OC90: variants seen among roughly 807,000 people sequenced by gnomAD.
OC90 encodes otoconin 90.
Under a neutral mutation model 47.3 loss-of-function variants are expected in OC90, and 46 were observed. That is an observed-to-expected ratio of 0.97 (90% CI 0.77 to 1.24). The LOEUF is 1.24. Ranked by LOEUF, OC90 falls within the 50% of genes most tolerant of loss-of-function variation. OC90 has a pLI of 0.00. For missense variants in OC90, 688 were observed against 583.9 expected (o/e 1.18, Z -1.84); for synonymous variants, 271 against 219.5 (o/e 1.23, Z -2.07).
At chr8:132,036,316 A>G in intron 9 of OC90, 1 of 779,888 alleles carries the variant, frequency 1.3e-6, no homozygotes, top group Admixed American at 1.7e-5. Flanking sequence ...TAGATATTTG[A>G]AATATTTCTC....
Position 132,041,715 on chromosome 8 carries a change from G to GGGC in OC90, c.170-17_170-16insGCC. 1 of 1,432,204 alleles carries GGGC rather than the reference G, an allele frequency of 7.0e-7. No homozygotes were observed. The highest frequency in any genetic ancestry group is 1.2e-5 in the South Asian group (1 of 85,958). The allele number at this position is 1,432,204 out of a possible 1,614,324, so 88.7% of individuals were successfully genotyped here. On this transcript the variant is annotated splice_polypyrimidine_tract_variant and intron_variant, in intron 4 of 13. Transcript: ENST00000254627. ...CCCAGGCAATCTGTGGGGGTGGGGG[G>GGGC]CAGGGCCTGATAAGCACTGGGAACT...
intron 1 of OC90, 48 bp from the exon 2 acceptor site, chr8:132,055,121 C>G (rs1383910975): frequency 9.5e-7 from 1 of 1,051,880 alleles, no homozygotes; most frequent in Non-Finnish European, 1.4e-6. Context: ...TCAGAATTCC[C>G]ATGAAAGAAC....
rs200162129 is a variant in OC90 at position 132,041,602 on chromosome 8, G to T, written c.267C>A (p.Leu89=). The T allele has an allele frequency of 4.3e-6, 7 of 1,613,072 alleles. No homozygotes were observed. The East Asian group carries it at 1.6e-4, about 36-fold the overall frequency. The change falls in exon 5 of 14, where the codon CTC becomes CTA. Residue 89 remains leucine, a synonymous_variant. Transcript: ENST00000254627. ...FVNGMKCVAG[L]CPRDFEDYGC... ...CATAGTCTTCAAAGTCTCGGGGGCA[G>T]AGACCAGCCACACACTTCATACCAT... is the stretch of plus-strand genomic sequence containing the variant.
At chr8:132,037,926 A>G (rs1386052451) in intron 8 of OC90, among the ~76,000 whole-genome samples, 1 of 152,182 alleles carries the variant, frequency 6.6e-6, no homozygotes, top group East Asian at 1.9e-4. Flanking sequence ...TCATGTACAC[A>G]CATGCACACC....
chr8:132,030,307 AATT>A (rs1234452957), intron 12 of OC90, among the ~76,000 whole-genome samples: 2 of 152,218 alleles, frequency 1.3e-5, no homozygotes, highest in Admixed American at 1.3e-4. Context: ...CTTATAAAAA[AATT>A]ATATCAGTTT....
Position 132,024,551 on chromosome 8 carries a change from A to AGGTCCTCCTGTGGAG in OC90, c.1349_1363dup (p.Pro450_Asp454dup), listed in dbSNP as rs1167740039. The stretch of plus-strand genomic sequence containing the variant: ...CCGCAGAAACCTCTTGGCTCTGCCG[A>AGGTCCTCCTGTGGAG]GGTCCTCCTGTGGAGGGTCCTCCTC... On this transcript the variant is annotated inframe_insertion, in exon 14 of 14. Transcript: ENST00000254627. 2 of 1,609,634 alleles carry AGGTCCTCCTGTGGAG rather than the reference A, an allele frequency of 1.2e-6. No individual in the cohort carries two copies. Among genetic ancestry groups the AGGTCCTCCTGTGGAG allele is most frequent in the Non-Finnish European group, 1.7e-6 (2 of 1,176,748 alleles).
At position 132,032,528 on chromosome 8, in the gene OC90, C is replaced by G. The variant is rs559599756; in HGVS notation, c.860-476G>C. 2.0e-5 allele frequency among the ~76,000 whole-genome samples: 3 copies of G among 152,274 alleles called. No individual in the cohort carries two copies. The East Asian group carries it at 5.8e-4, about 29-fold the overall frequency. ...TATTTCTCTTCCTTCTATCCTTCCT[C>G]CTCTGTCCACAAATCTCAAATGCAG... On this transcript the variant is annotated intron_variant, in intron 11 of 13. Coordinates refer to ENST00000254627, the MANE Select transcript of OC90 (RefSeq NM_001080399.3).
Position 132,045,887 on chromosome 8 carries a change from T to C in OC90, c.47-4A>G. On this transcript the variant is annotated splice_region_variant and splice_polypyrimidine_tract_variant and intron_variant, in intron 2 of 13. Coordinates refer to ENST00000254627, the MANE Select transcript of OC90 (RefSeq NM_001080399.3). ...GGAGTGTCCAGAGGATGGCCTCCTATAAATAAGGAAGAGAAAGTAGGGTAA... is the reference window on the plus strand; with the variant it reads ...GGAGTGTCCAGAGGATGGCCTCCTACAAATAAGGAAGAGAAAGTAGGGTAA... The C allele has an allele frequency of 6.5e-7, 1 of 1,527,926 alleles. No homozygotes were observed. Among genetic ancestry groups the C allele is most frequent in the South Asian group, 1.2e-5 (1 of 83,538 alleles). The allele number at this position is 1,527,926 out of a possible 1,614,324, so 94.6% of individuals were successfully genotyped here.
chr8:132,041,583 C>T lies in OC90; in HGVS notation c.286G>A (p.Asp96Asn). The T allele has an allele frequency of 6.2e-7, 1 of 1,613,478 alleles. No individual in the cohort carries two copies. Among genetic ancestry groups the T allele is most frequent in the Non-Finnish European group, 8.5e-7 (1 of 1,179,738 alleles). ...TCAAACCTGCAGGTGCAACCATAGTCTTCAAAGTCTCGGGGGCAGAGACCA... is the reference window on the plus strand; with the variant it reads ...TCAAACCTGCAGGTGCAACCATAGTTTTCAAAGTCTCGGGGGCAGAGACCA... ...VAGLCPRDFEDYGCTCRFEME... is the reference protein window; with the variant it reads ...VAGLCPRDFENYGCTCRFEME... The change falls in exon 5 of 14, where the codon GAC (aspartate) becomes AAC (asparagine). Residue 96 changes from aspartate (D) to asparagine (N), a missense_variant. Transcript: ENST00000254627.
At chr8:132,055,548 T>C (rs1563735856) in intron 1 of OC90, among the ~76,000 whole-genome samples, 1 of 152,250 alleles carries the variant, frequency 6.6e-6, no homozygotes, top group Non-Finnish European at 1.5e-5. Flanking sequence ...ATACCCAGCA[T>C]TCCCAATGCA....
At position 132,024,555 on chromosome 8, in the gene OC90, C is replaced by T. The variant is rs764392086; in HGVS notation, c.1360G>A (p.Asp454Asn). 3 of 1,610,378 alleles carry T rather than the reference C, an allele frequency of 1.9e-6. No individual in the cohort carries two copies. The highest frequency in any genetic ancestry group is 2.5e-6 in the Non-Finnish European group (3 of 1,177,316). ...EDSEEDPPQE[D>N]LGRAKRFLRK... ...AGAAACCTCTTGGCTCTGCCGAGGT[C>T]CTCCTGTGGAGGGTCCTCCTCGCTG... Residue 454 changes from aspartate to asparagine, a missense_variant, in exon 14 of 14, where the codon GAC becomes AAC. Transcript: ENST00000254627.
chr8:132,057,262 G>C (rs1034568787), intron 1 of OC90, among the ~76,000 whole-genome samples: 3 of 152,170 alleles, frequency 2.0e-5, no homozygotes, highest in Non-Finnish European at 4.4e-5. Flanking sequence ...GCCCTGTCTG[G>C]TGAATGAAGA....
chr8:132,051,908 G>A (rs1823215695), intron 2 of OC90, among the ~76,000 whole-genome samples: 1 of 152,102 alleles, frequency 6.6e-6, no homozygotes, highest in African/African-American at 2.4e-5. Flanking sequence ...AATTTTTTTT[G>A]AAATGTTAAT....
intron 2 of OC90, among the ~76,000 whole-genome samples, chr8:132,047,547 G>A (rs771796918): frequency 6.6e-6 from 1 of 152,032 alleles, no homozygotes; most frequent in African/African-American, 2.4e-5. Flanking sequence ...CTCTAAGTTT[G>A]TATGCACATA....
At chr8:132,028,968 T>C (rs963158156) in intron 13 of OC90, 105 bp downstream of exon 13, 11 of 768,278 alleles carry the variant, frequency 1.4e-5, no homozygotes, top group East Asian at 2.5e-5. Flanking sequence ...GAAAAGAGTA[T>C]TAAGTCACAG....
chr8:132,031,482 A>C (rs1196849119), intron 12 of OC90, among the ~76,000 whole-genome samples: 1 of 152,160 alleles, frequency 6.6e-6, no homozygotes, highest in Admixed American at 6.5e-5. Flanking sequence ...CTGCAGGAAA[A>C]ACCAAGTGGA....
intron 2 of OC90, among the ~76,000 whole-genome samples, chr8:132,053,204 A>G (rs761836081): frequency 2.6e-5 from 4 of 152,190 alleles, no homozygotes; most frequent in Non-Finnish European, 5.9e-5. Flanking sequence ...CCCCTGTGCT[A>G]GCATAATGTT....
At position 132,041,704 on chromosome 8, in the gene OC90, G is replaced by T; in HGVS notation, c.170-5C>A. The stretch of plus-strand genomic sequence containing the variant: ...TGAAGTGGGGGCCCAGGCAATCTGT[G>T]GGGGTGGGGGGCAGGGCCTGATAAG... On this transcript the variant is annotated splice_polypyrimidine_tract_variant and splice_region_variant and intron_variant, in intron 4 of 13. Coordinates refer to ENST00000254627, the MANE Select transcript of OC90 (RefSeq NM_001080399.3). 6.6e-7 allele frequency: 1 copy of T among 1,515,926 alleles called. No homozygotes were observed. The highest frequency in any genetic ancestry group is 9.1e-7 in the Non-Finnish European group (1 of 1,096,382). 93.9% of individuals were successfully genotyped at this position (1,515,926 alleles called of 1,614,324 possible).
intron 9 of OC90, chr8:132,036,282 G>A (rs966066101): frequency 1.3e-6 from 1 of 766,608 alleles, no homozygotes; most frequent in African/African-American, 1.7e-5. Context: ...TTAAGAAGTG[G>A]TCACAGGACT....
Sources: allele counts gnomAD v4.1 joint callset (sites outside exome capture counted in the v4.1 genomes callset), GRCh38; gene constraint gnomAD v4.1.1; transcripts MANE v1.5; gene names NCBI Gene and HGNC (gene_info 2026-07-23, HGNC 2026-07-21).